Variants in ZDHHC19 observed in about 807,000 individuals in gnomAD.
ZDHHC19 encodes the protein zDHHC palmitoyltransferase 19.
ZDHHC19 carries 30 observed loss-of-function variants against 33.9 expected under a neutral mutation model. That is an observed-to-expected ratio of 0.88 (90% CI 0.66 to 1.20). The LOEUF (loss-of-function observed/expected upper bound fraction) is 1.20, where lower values mean the gene tolerates loss of function less well. Among genes scored for constraint, ZDHHC19 ranks in the 50% most tolerant of loss-of-function variants. The pLI is 0.00. For synonymous variants in ZDHHC19, 178 were observed against 167.6 expected (o/e 1.06, Z -0.48); for missense variants, 364 against 401.1 (o/e 0.91, Z 0.79).
At chr3:196,207,211 G>A (rs927014454) in intron 5 of ZDHHC19, among the ~76,000 whole-genome samples, 187 bp downstream of exon 5, 9 of 152,202 alleles carry the variant, frequency 5.9e-5, no homozygotes, top group Non-Finnish European at 1.3e-4. Flanking sequence ...AGGCCCCCAG[G>A]AAGGACAGGG....
chr3:196,198,164 G>T, intron 7 of ZDHHC19, 112 bp downstream of exon 7: 1 of 1,076,146 alleles, frequency 9.3e-7, no homozygotes. Flanking sequence ...AGCTCGGAGC[G>T]CTCCAGCTTC....
chr3:196,209,515 C>T lies in ZDHHC19; in HGVS notation c.269G>A (p.Gly90Asp), dbSNP rs1412608965. The change falls in exon 3 of 8, where the codon GGC (glycine) becomes GAC (aspartate). Residue 90 changes from glycine to aspartate, a missense_variant and splice_region_variant. Transcript: ENST00000296326. Reference protein sequence around the residue: ...NFSDPGILHQGSAEQGPLTVH... With the variant: ...NFSDPGILHQDSAEQGPLTVH... ...CGTCAAGGGGCCCTGCTCAGCGGAGCCTGGCGTGGGAAGAGGATTGGGCAC... is the reference window on the plus strand; with the variant it reads ...CGTCAAGGGGCCCTGCTCAGCGGAGTCTGGCGTGGGAAGAGGATTGGGCAC... 4 of 1,612,476 alleles carry T rather than the reference C, an allele frequency of 2.5e-6. No individual in the cohort carries two copies. The East Asian group carries it at 6.7e-5, about 27-fold the overall frequency.
At chr3:196,210,330 AAAG>A (rs1723150852) in intron 2 of ZDHHC19, among the ~76,000 whole-genome samples, 1 of 134,618 alleles carries the variant, frequency 7.4e-6, no homozygotes, top group Non-Finnish European at 1.6e-5. Context: ...AGAAGGAAAG[AAAG>A]AAAGAAAGAA....
At chr3:196,208,062 C>T (rs1197220309) in intron 4 of ZDHHC19, among the ~76,000 whole-genome samples, 3 of 151,738 alleles carry the variant, frequency 2.0e-5, no homozygotes, top group Middle Eastern at 3.2e-3. Flanking sequence ...AGCCATCACG[C>T]CCGGCTAATT....
chr3:196,208,943 C>A (rs1419539754), intron 3 of ZDHHC19: 1 of 279,752 alleles, frequency 3.6e-6, no homozygotes, highest in Non-Finnish European at 6.8e-6. Flanking sequence ...CACTTGTAAA[C>A]CTATGCAAGC....
chr3:196,207,328 G>T, intron 5 of ZDHHC19, 70 bp downstream of exon 5: 1 of 1,384,766 alleles, frequency 7.2e-7, no homozygotes, highest in Non-Finnish European at 9.9e-7. Flanking sequence ...CAGGGCCAAG[G>T]GCAGTGGAGA....
intron 4 of ZDHHC19, 147 bp downstream of exon 4, chr3:196,208,241 T>TC (rs900592616): frequency 6.8e-5 from 15 of 219,648 alleles, no homozygotes; most frequent in South Asian, 2.3e-4. Flanking sequence ...GCCCCGCCCA[T>TC]CCCCCGACCC....
At chr3:196,207,305 G>A in intron 5 of ZDHHC19, 93 bp downstream of exon 5, 1 of 1,120,654 alleles carries the variant, frequency 8.9e-7, no homozygotes, top group Admixed American at 2.2e-5. Flanking sequence ...ATCGCGGGTG[G>A]GGGTCAGGCT....
At chr3:196,202,432 A>T (rs1223463048) in intron 5 of ZDHHC19, 1 of 152,410 alleles carries the variant, frequency 6.6e-6, no homozygotes, top group African/African-American at 2.4e-5. Context: ...CTCGCTGCTC[A>T]CTACTGTCCT....
chr3:196,202,124 G>C (rs796161709), intron 5 of ZDHHC19, among the ~76,000 whole-genome samples: 25 of 152,334 alleles, frequency 1.6e-4, no homozygotes, highest in African/African-American at 6.0e-4. Context: ...TTCAAGACCA[G>C]CCTGGCCAAC....
In ZDHHC19 at chr3:196,207,431, G is replaced by A. The variant is rs1009444751; in HGVS notation, c.654C>T (p.Ser218=). ...TGTAGGTGCGGTCGGCCGAGCTCACGGACAGTGCCTGGATCAGCAGCAGGA... is the reference window on the plus strand; with the variant it reads ...TGTAGGTGCGGTCGGCCGAGCTCACAGACAGTGCCTGGATCAGCAGCAGGA... ...LSLLLLIQAL[S]VSSADRTYKG... The change falls in exon 5 of 8, where the codon TCC becomes TCT. Residue 218 remains serine (S), a synonymous_variant. Coordinates refer to ENST00000296326, the MANE Select transcript of ZDHHC19 (RefSeq NM_001039617.2). The A allele has an allele frequency of 6.4e-7, 1 of 1,572,580 alleles. No homozygotes were observed. Among genetic ancestry groups the A allele is most frequent in the East Asian group, 2.4e-5 (1 of 42,288 alleles).
chr3:196,210,285 A>AAAAAGAAAGAAGGAAG (rs1553821803), intron 2 of ZDHHC19, among the ~76,000 whole-genome samples: 34 of 139,560 alleles, frequency 2.4e-4, no homozygotes, highest in Non-Finnish European at 4.8e-4. Flanking sequence ...AAAGAAAGAA[A>AAAAAGAAAGAAGGAAG]GAAGGAAGGA....
intron 6 of ZDHHC19, 109 bp downstream of exon 6, chr3:196,198,680 G>C: frequency 6.3e-7 from 1 of 1,593,954 alleles, no homozygotes; most frequent in Non-Finnish European, 8.5e-7. Context: ...CCCCAGAGGA[G>C]CAGGAACAGT....
chr3:196,209,266 A>G, intron 3 of ZDHHC19, 110 bp downstream of exon 3: 1 of 1,424,514 alleles, frequency 7.0e-7, no homozygotes, highest in Non-Finnish European at 9.4e-7. Flanking sequence ...CTTGGCCTTT[A>G]GCAGTCCTGA....
In ZDHHC19 at chr3:196,211,169, C is replaced by A; in HGVS notation, c.146+1G>T. On this transcript the variant is annotated splice_donor_variant, in intron 1 of 7. Transcript: ENST00000296326. LOFTEE classifies it high-confidence loss of function. ...CCTAACGGCTTGCCTGGAAAACTCA[C>A]GGGAATGCGAAGAAGAGGCCACTGA... The A allele has an allele frequency of 6.2e-7, 1 of 1,614,144 alleles. No homozygotes were observed. Among genetic ancestry groups the A allele is most frequent in the African/African-American group, 1.3e-5 (1 of 75,034 alleles).
chr3:196,198,333 A>G lies in ZDHHC19; in HGVS notation c.892T>C (p.Ser298Pro). ...ALNPPAPTSG[S>P]LQSREGTPGA... ...GGGGTCCCTTCCCTGCTTTGTAGGG[A>G]CCCAGAGGTTGGGGCTGGGGGGTTG... Residue 298 changes from serine (S) to proline (P), a missense_variant, in exon 7 of 8, where the codon TCC becomes CCC. Physicochemically the swap from Ser to Pro is moderately conservative, Grantham distance 74. Coordinates refer to ENST00000296326, the MANE Select transcript of ZDHHC19 (RefSeq NM_001039617.2). 6.6e-7 allele frequency: 1 copy of G among 1,514,618 alleles called. No individual in the cohort carries two copies. Among genetic ancestry groups the G allele is most frequent in the Non-Finnish European group, 8.8e-7 (1 of 1,132,270 alleles). The allele number at this position is 1,514,618 out of a possible 1,614,324, so 93.8% of individuals were successfully genotyped here.
intron 5 of ZDHHC19, chr3:196,199,203 CGG>C: frequency 3.2e-6 from 1 of 314,524 alleles, no homozygotes; most frequent in Non-Finnish European, 6.2e-6. Flanking sequence ...ACACGCAATG[CGG>C]TAAAGGCCAA....
Position 196,208,465 on chromosome 3 carries a change from C to T in ZDHHC19, c.504G>A (p.Ser168=), listed in dbSNP as rs757556138. Residue 168 remains serine, a synonymous_variant, in exon 4 of 8, where the codon TCG becomes TCA. Transcript: ENST00000296326. The stretch of plus-strand genomic sequence containing the variant: ...TGAGACAGGTGACCAGCATGGCGCC[C>T]GAGTAGAGGCACAGGGACAGGACAA... ...MLLVLSLCLY[S]GAMLVTCLIF... 3.7e-6 allele frequency: 6 copies of T among 1,614,144 alleles called. No individual in the cohort carries two copies. The highest frequency in any genetic ancestry group is 4.2e-6 in the Non-Finnish European group (5 of 1,180,002).
At chr3:196,208,642 C>G in intron 3 of ZDHHC19, 82 bp from the exon 4 acceptor site, 1 of 1,510,052 alleles carries the variant, frequency 6.6e-7, no homozygotes, top group East Asian at 2.4e-5. Flanking sequence ...AGGCCCTCCC[C>G]CTGCCTTCTA....
Sources: gnomAD v4.1 joint callset for allele counts (sites outside exome capture counted in the v4.1 genomes callset) on GRCh38, gnomAD v4.1.1 for gene constraint, MANE v1.5 for transcripts, NCBI Gene and HGNC (gene_info 2026-07-23, HGNC 2026-07-21) for gene names.